Variants in PHYHIP observed in about 807,000 individuals in gnomAD.
PHYHIP encodes phytanoyl-CoA hydroxylase-interacting protein.
Under a neutral mutation model 26.1 loss-of-function variants are expected in PHYHIP, and 7 were observed. That is an observed-to-expected ratio of 0.27 (90% confidence interval 0.15 to 0.50). The LOEUF (loss-of-function observed/expected upper bound fraction) is 0.50, where lower values mean the gene tolerates loss of function less well. Among genes scored for constraint, PHYHIP ranks in the 20% least tolerant of loss-of-function variants. The pLI is 0.98. For missense variants in PHYHIP, 232 were observed against 454.7 expected (o/e 0.51, Z 4.45); for synonymous variants, 206 against 183.4 (o/e 1.12, Z -1.00).
In PHYHIP at chr8:22,221,212, T is replaced by C; in HGVS notation, c.*141A>G. The stretch of plus-strand genomic sequence containing the variant: ...GAGGACCACCGTCTGTTGCCTCCAA[T>C]GCCAAGGGGCGAGGGGAGGGCAGCT... On this transcript the variant is annotated 3_prime_UTR_variant, in exon 5 of 5. Transcript: ENST00000454243. This position sits in a 1 kb window ranked among gnomAD's most constrained non-coding sequence, Gnocchi z 7.9. 1 of 784,704 alleles carries C rather than the reference T, an allele frequency of 1.3e-6. No individual in the cohort carries two copies. Among genetic ancestry groups the C allele is most frequent in the Middle Eastern group, 3.7e-4 (1 of 2,672 alleles). 48.6% of individuals were successfully genotyped at this position (784,704 alleles called of 1,614,324 possible).
intron 3 of PHYHIP, 70 bp downstream of exon 3, chr8:22,226,781 G>T: frequency 1.4e-6 from 2 of 1,422,570 alleles, no homozygotes; most frequent in East Asian, 2.4e-5. Flanking sequence ...CTACGAGGAA[G>T]ACCCGCCTTG....
intron 3 of PHYHIP, 74 bp from the exon 4 acceptor site, chr8:22,224,417 C>A: frequency 5.9e-6 from 5 of 843,798 alleles, no homozygotes; most frequent in Non-Finnish European, 2.0e-6. Context: ...CCCCACCCCA[C>A]CCCACACTGT....
At chr8:22,228,472 G>T in intron 1 of PHYHIP, 86 bp from the exon 2 acceptor site, 1 of 704,932 alleles carries the variant, frequency 1.4e-6, no homozygotes, top group South Asian at 1.8e-5. Context: ...TTTCGAGGCG[G>T]AACCTCAAGG....
At chr8:22,226,218 A>C (rs1193720340) in intron 3 of PHYHIP, among the ~76,000 whole-genome samples, 2 of 152,252 alleles carry the variant, frequency 1.3e-5, no homozygotes, top group Non-Finnish European at 2.9e-5. Context: ...TGATTAAGCA[A>C]AATGTGGTCT....
chr8:22,227,709 G>C (rs1254288701), intron 2 of PHYHIP: 1 of 456,782 alleles, frequency 2.2e-6, no homozygotes, highest in South Asian at 1.5e-5. Flanking sequence ...AGCAGGTGAG[G>C]GGCCCGAGAG....
chr8:22,229,597 G>A (rs934167887), intron 1 of PHYHIP, among the ~76,000 whole-genome samples: 4 of 152,114 alleles, frequency 2.6e-5, no homozygotes, highest in Non-Finnish European at 4.4e-5. Context: ...GTCTGGGAGG[G>A]GACAGCAGAC....
intron 1 of PHYHIP, among the ~76,000 whole-genome samples, chr8:22,231,373 G>T (rs1165586463): frequency 6.6e-6 from 1 of 152,174 alleles, no homozygotes; most frequent in Non-Finnish European, 1.5e-5. Context: ...TTCTAGACAT[G>T]CCTCACACCA....
chr8:22,224,390 G>T (rs563058901), intron 3 of PHYHIP, 47 bp from the exon 4 acceptor site: 1 of 1,098,252 alleles, frequency 9.1e-7, no homozygotes, highest in Non-Finnish European at 1.4e-6. Flanking sequence ...CAGCTGAGGA[G>T]CACAAACACC....
chr8:22,226,311 AATTGTACTGAT>A (rs1829743490), intron 3 of PHYHIP, among the ~76,000 whole-genome samples: 2 of 152,350 alleles, frequency 1.3e-5, no homozygotes, highest in Non-Finnish European at 2.9e-5. Flanking sequence ...AATCCTATAC[AATTGTACTGAT>A]ATGAGACACC....
intron 2 of PHYHIP, chr8:22,227,631 C>T (rs1238661004): frequency 1.3e-5 from 6 of 456,320 alleles, no homozygotes; most frequent in Non-Finnish European, 2.2e-5. Flanking sequence ...GGCTTTTAAC[C>T]CCAGGAAAGG....
chr8:22,226,614 T>C (rs1211011356), intron 3 of PHYHIP, among the ~76,000 whole-genome samples: 1 of 152,140 alleles, frequency 6.6e-6, no homozygotes, highest in Non-Finnish European at 1.5e-5. Flanking sequence ...ATGGAAGTGG[T>C]CTTGCCAGCG....
At position 22,221,108 on chromosome 8, in the gene PHYHIP, A is replaced by T. The variant is rs1829612360; in HGVS notation, c.*245T>A. 6.4e-6 allele frequency: 3 copies of T among 471,738 alleles called. No individual in the cohort carries two copies. The highest frequency in any genetic ancestry group is 1.1e-5 in the Non-Finnish European group (3 of 266,782). The allele number at this position is 471,738 out of a possible 1,614,324, so 29.2% of individuals were successfully genotyped here. A position where few individuals can be genotyped will look rare whatever the true frequency, so the allele number is the denominator to read the frequency against. On this transcript the variant is annotated 3_prime_UTR_variant, in exon 5 of 5. Transcript: ENST00000454243. The surrounding 1 kb of genome is among the most constrained non-coding windows in gnomAD (Gnocchi z 7.9). ...CAGAGGAAAGGGGAAGTTCTCCAGA[A>T]GTCCAGCCCAGCTGCCAACTACAGA...
chr8:22,227,526 G>A (rs1227474435), intron 2 of PHYHIP: 4 of 443,382 alleles, frequency 9.0e-6, no homozygotes, highest in African/African-American at 2.0e-5. Flanking sequence ...AACCCACGCC[G>A]GTGCCGTCGG....
intron 1 of PHYHIP, among the ~76,000 whole-genome samples, chr8:22,229,521 C>T (rs368384311): frequency 1.6e-3 from 251 of 152,322 alleles, no homozygotes; most frequent in African/African-American, 5.7e-3. Context: ...CTGACTCTGG[C>T]CATGACTCTG....
chr8:22,226,768 G>A, intron 3 of PHYHIP, 83 bp downstream of exon 3: 1 of 1,317,742 alleles, frequency 7.6e-7, no homozygotes. Context: ...AGTGTTTGCT[G>A]GACTACGAGG....
At chr8:22,230,178 C>T (rs1339549300) in intron 1 of PHYHIP, among the ~76,000 whole-genome samples, 1 of 152,132 alleles carries the variant, frequency 6.6e-6, no homozygotes, top group East Asian at 1.9e-4. Context: ...TGAGAAGCTC[C>T]CAGGGAGACA....
At chr8:22,227,226 C>T (rs900787544) in intron 2 of PHYHIP, among the ~76,000 whole-genome samples, 1 of 152,216 alleles carries the variant, frequency 6.6e-6, no homozygotes, top group Non-Finnish European at 1.5e-5. Context: ...GGCCCCTCCT[C>T]GAACCCCCCT....
rs1340905268 is a variant in PHYHIP, at chr8:22,228,179, CA to C, written c.165+13del. Reference sequence around the variant, plus strand: ...AGAAGCTGGGGAGGGGCTCCCAGGACACCTTCTACTCACCCGGTGCTTGAAC... The same window carrying C: ...AGAAGCTGGGGAGGGGCTCCCAGGACCCTTCTACTCACCCGGTGCTTGAAC... On this transcript the variant is annotated intron_variant, in intron 2 of 4. Transcript: ENST00000454243. 19 of 1,612,128 alleles carry C rather than the reference CA, an allele frequency of 1.2e-5. No individual in the cohort carries two copies. Among genetic ancestry groups the C allele is most frequent in the Non-Finnish European group, 1.6e-5 (19 of 1,178,358 alleles).
intron 3 of PHYHIP, among the ~76,000 whole-genome samples, chr8:22,224,975 C>A (rs1213192021): frequency 1.3e-5 from 2 of 152,212 alleles, no homozygotes; most frequent in African/African-American, 4.8e-5. Context: ...CTGGCACATA[C>A]AGCTCCTTGG....
Sources: allele counts gnomAD v4.1 joint callset (sites outside exome capture counted in the v4.1 genomes callset), GRCh38; gene constraint gnomAD v4.1.1; non-coding constraint Gnocchi (gnomAD v3.1); transcripts MANE v1.5; gene names NCBI Gene and HGNC (gene_info 2026-07-23, HGNC 2026-07-21).